The following PLCG2 variants were observed in gnomAD, a reference collection of about 807,000 sequenced individuals.
The protein encoded by PLCG2 is phospholipase C gamma 2.
PLCG2 carries 69 observed loss-of-function variants against 175.6 expected under a neutral mutation model. The ratio of observed to expected loss-of-function variants is 0.39; its 90% CI spans 0.32 to 0.48. The LOEUF (loss-of-function observed/expected upper bound fraction) is 0.48, where lower values mean the gene tolerates loss of function less well. Ranked by LOEUF, PLCG2 falls within the 20% of genes least tolerant of loss-of-function variation. The pLI is 0.91. For missense variants in PLCG2, 1,798 were observed against 1,650.9 expected, an observed-to-expected ratio of 1.09 and a Z score of -1.54; for synonymous variants, 827 against 624.0, an observed-to-expected ratio of 1.33 and a Z score of -4.85.
chr16:81,918,902 T>G (rs1040117540), intron 19 of PLCG2, among the ~76,000 whole-genome samples: 2 of 151,442 alleles, frequency 1.3e-5, no homozygotes, highest in Non-Finnish European at 2.9e-5. Flanking sequence ...TTGTTTCTTT[T>G]TTTTTTTAAA....
chr16:81,936,041 C>A (rs1024117357), intron 26 of PLCG2, 128 bp from the exon 27 acceptor site: 2 of 1,471,538 alleles, frequency 1.4e-6, no homozygotes, highest in African/African-American at 1.4e-5. Context: ...CATCAGAACC[C>A]CTTGAATGTC....
intron 15 of PLCG2, among the ~76,000 whole-genome samples, chr16:81,907,077 C>T (rs1909405326): frequency 6.7e-6 from 1 of 149,366 alleles, no homozygotes; most frequent in South Asian, 2.1e-4. Context: ...ACCAACATGG[C>T]ACATGTATAC....
intron 1 of PLCG2, among the ~76,000 whole-genome samples, chr16:81,748,815 G>A (rs942393575): frequency 1.3e-5 from 2 of 152,186 alleles, no homozygotes; most frequent in Non-Finnish European, 2.9e-5. Context: ...TTACAACCCT[G>A]TGAACCAGTT....
intron 2 of PLCG2, among the ~76,000 whole-genome samples, chr16:81,826,155 C>G (rs1270089531): frequency 6.6e-6 from 1 of 152,198 alleles, no homozygotes. Context: ...CACCATCCAG[C>G]CAGGTCCCCA....
intron 2 of PLCG2, among the ~76,000 whole-genome samples, chr16:81,829,098 A>G (rs533188219): frequency 6.6e-6 from 1 of 152,134 alleles, no homozygotes; most frequent in Non-Finnish European, 1.5e-5. Context: ...TGGGGTAGTT[A>G]GTAGTTTTTA....
chr16:81,835,460 G>T (rs559299695), intron 2 of PLCG2, among the ~76,000 whole-genome samples: 1 of 152,166 alleles, frequency 6.6e-6, no homozygotes, highest in East Asian at 1.9e-4. Context: ...GCCGGGTGTG[G>T]TGACACTACT....
intron 19 of PLCG2, among the ~76,000 whole-genome samples, chr16:81,914,557 T>TC (rs1909761542): frequency 6.6e-6 from 1 of 152,166 alleles, no homozygotes; most frequent in African/African-American, 2.4e-5. Flanking sequence ...ATTGGAGGTG[T>TC]CTTGAGAATG....
intron 2 of PLCG2, among the ~76,000 whole-genome samples, chr16:81,826,609 C>T (rs1057148392): frequency 1.3e-5 from 2 of 152,206 alleles, no homozygotes; most frequent in Admixed American, 6.5e-5. Context: ...CTCTACAATA[C>T]TCAGTGCTTC....
chr16:81,828,090 CA>C (rs763973143), intron 2 of PLCG2, among the ~76,000 whole-genome samples: 9,130 of 50,118 alleles, frequency 0.18, 221 homozygotes, highest in Non-Finnish European at 0.21. Flanking sequence ...AACTCCGTCT[CA>C]AAAAAAAAAA....
chr16:81,864,933 A>G (rs1009824117), intron 5 of PLCG2, among the ~76,000 whole-genome samples: 1 of 151,992 alleles, frequency 6.6e-6, no homozygotes, highest in African/African-American at 2.4e-5. Flanking sequence ...CCTTCTCCAA[A>G]GGGATTCCCT....
At chr16:81,822,928 GGTTTTCCCTCGGAGCCTCCA>G (rs1431156624) in intron 2 of PLCG2, among the ~76,000 whole-genome samples, 10 of 152,334 alleles carry the variant, frequency 6.6e-5, no homozygotes, top group Admixed American at 5.9e-4. Flanking sequence ...CCAGGAAGCA[GGTTTTCCCTCGGAGCCTCCA>G]GAAGGAGCCA....
intron 2 of PLCG2, among the ~76,000 whole-genome samples, chr16:81,842,554 G>A (rs1688230763): frequency 6.6e-6 from 1 of 152,130 alleles, no homozygotes; most frequent in East Asian, 1.9e-4. Context: ...CTGTCTGTTT[G>A]CTCGCTTGAA....
At chr16:81,886,727 C>T (rs540405889) in intron 9 of PLCG2, among the ~76,000 whole-genome samples, 1 of 152,336 alleles carries the variant, frequency 6.6e-6, no homozygotes, top group South Asian at 2.1e-4. Flanking sequence ...AGCCTCTCCT[C>T]TGTTTCCCCA....
chr16:81,820,886 G>A (rs570837953), intron 2 of PLCG2, among the ~76,000 whole-genome samples: 1 of 151,916 alleles, frequency 6.6e-6, no homozygotes, highest in Admixed American at 6.6e-5. Context: ...CTCCTGAGTA[G>A]GTGGGATTAC....
chr16:81,927,076 A>T lies in PLCG2; in HGVS notation c.2418-6A>T, dbSNP rs750222658. ...CAGCGCCCCCATGTCCTCTCTTCTT[A>T]TCCAGGTGGAAAGGAGACTATGGAA... On this transcript the variant is annotated splice_region_variant and splice_polypyrimidine_tract_variant and intron_variant, in intron 22 of 32. Transcript: ENST00000564138. The T allele has an allele frequency of 6.2e-7, 1 of 1,601,198 alleles. No homozygotes were observed. The highest frequency in any genetic ancestry group is 1.1e-5 in the South Asian group (1 of 90,820).
intron 2 of PLCG2, among the ~76,000 whole-genome samples, chr16:81,797,210 C>G (rs970422940): frequency 5.3e-5 from 8 of 151,932 alleles, no homozygotes; most frequent in African/African-American, 1.9e-4. Context: ...CAGTGCAGGT[C>G]CAACGTCTTA....
At chr16:81,931,757 A>T in intron 25 of PLCG2, 103 bp downstream of exon 25, 1 of 938,244 alleles carries the variant, frequency 1.1e-6, no homozygotes, top group Non-Finnish European at 1.6e-6. Flanking sequence ...GAGCAGGCCC[A>T]GGTCCTACTC....
At chr16:81,890,484 C>G (rs1284658490) in intron 10 of PLCG2, among the ~76,000 whole-genome samples, 1 of 152,174 alleles carries the variant, frequency 6.6e-6, no homozygotes, top group Non-Finnish European at 1.5e-5. Flanking sequence ...AGTTTCATAG[C>G]CCTTTCTTAC....
At chr16:81,786,323 C>A (rs546366286) in intron 2 of PLCG2, 141 bp downstream of exon 2, 3 of 727,810 alleles carry the variant, frequency 4.1e-6, no homozygotes, top group East Asian at 2.8e-5. Context: ...GAAAGCATTG[C>A]CAGTTTGTGT....
Sources: gnomAD v4.1 joint callset for allele counts (sites outside exome capture counted in the v4.1 genomes callset) on GRCh38, gnomAD v4.1.1 for gene constraint, MANE v1.5 for transcripts, NCBI Gene and HGNC (gene_info 2026-07-23, HGNC 2026-07-21) for gene names.